The following NUF2 variants were observed in gnomAD, a reference collection of about 807,000 sequenced individuals.
NUF2 encodes kinetochore protein Nuf2.
In NUF2, 34 loss-of-function variants were observed where a neutral mutation model predicts 61.8. That is an observed-to-expected ratio of 0.55 (90% confidence interval 0.42 to 0.73). The LOEUF (loss-of-function observed/expected upper bound fraction) is 0.73. Ranked by LOEUF, NUF2 falls within the 30% of genes least tolerant of loss-of-function variation. NUF2 has a pLI of 0.00. For synonymous variants in NUF2, 172 were observed against 181.6 expected, an observed-to-expected ratio of 0.95 and a Z score of 0.42; for missense variants, 445 against 539.1, an observed-to-expected ratio of 0.83 and a Z score of 1.73.
At chr1:163,342,957 CAT>C in intron 9 of NUF2, among the ~76,000 whole-genome samples, 1 of 152,208 alleles carries the variant, frequency 6.6e-6, no homozygotes, top group East Asian at 1.9e-4. Flanking sequence ...TACATAGAGT[CAT>C]AGAGGGTCCC....
chr1:163,328,862 A>G lies in NUF2; in HGVS notation c.292A>G (p.Ile98Val), dbSNP rs752418231. 2.2e-5 allele frequency: 35 copies of G among 1,607,252 alleles called. No homozygotes were observed. The Middle Eastern group carries it at 4.9e-4, about 23-fold the overall frequency. Residue 98 changes from isoleucine to valine, a missense_variant, in exon 5 of 14, where the codon ATC becomes GTC. Ile to Val is a conservative substitution (Grantham distance 29). Transcript: ENST00000271452. ...ATCTTCAAGGGACTCATTTTTGCCT[A>G]TCTGCCGGGTGAATGACTTTGAGAC... is the stretch of plus-strand genomic sequence containing the variant. ...LVTHLDSFLP[I>V]CRVNDFETAD...
At chr1:163,323,390 T>C (rs570680591) in intron 1 of NUF2, among the ~76,000 whole-genome samples, 1 of 151,842 alleles carries the variant, frequency 6.6e-6, no homozygotes, top group South Asian at 2.1e-4. Flanking sequence ...AGGGAACATC[T>C]AATATGTGAT....
At chr1:163,353,658 G>T (rs1243578527) in intron 13 of NUF2, among the ~76,000 whole-genome samples, 1 of 152,166 alleles carries the variant, frequency 6.6e-6, no homozygotes. Context: ...GTGAATTAGG[G>T]TGGATTAATA....
chr1:163,331,971 T>C lies in NUF2; in HGVS notation c.337+3064T>C, dbSNP rs1473508447. Among the ~76,000 whole-genome samples, 3 of 152,164 alleles carry C rather than the reference T, an allele frequency of 2.0e-5. No individual in the cohort carries two copies. The East Asian group carries it at 5.8e-4, about 29-fold the overall frequency. On this transcript the variant is annotated intron_variant, in intron 5 of 13. Transcript: ENST00000271452. The stretch of plus-strand genomic sequence containing the variant: ...TGTATTTCTGGTTTTTGATTATTAT[T>C]GAATTTTGAGCTTATTGTTATTCTT...
At chr1:163,324,097 G>C (rs1239275713) in intron 1 of NUF2, among the ~76,000 whole-genome samples, 3 of 152,130 alleles carry the variant, frequency 2.0e-5, no homozygotes, top group African/African-American at 7.2e-5. Context: ...GAATAAGATG[G>C]TAGTTTCTAA....
At chr1:163,353,752 A>G (rs1254469675) in intron 13 of NUF2, among the ~76,000 whole-genome samples, 3 of 152,192 alleles carry the variant, frequency 2.0e-5, no homozygotes, top group Non-Finnish European at 4.4e-5. Context: ...TGTCACCATT[A>G]AACATCTTGT....
chr1:163,336,877 A>T, intron 6 of NUF2, 29 bp downstream of exon 6: 1 of 1,311,382 alleles, frequency 7.6e-7, no homozygotes, highest in Non-Finnish European at 1.1e-6. Context: ...TTGGGGTTAC[A>T]TGCCAGATCA....
At chr1:163,336,978 A>G (rs1174814110) in intron 6 of NUF2, 130 bp downstream of exon 6, 4 of 596,018 alleles carry the variant, frequency 6.7e-6, no homozygotes, top group African/African-American at 1.9e-5. Flanking sequence ...ACTCATTTTT[A>G]TATTTATATT....
intron 11 of NUF2, among the ~76,000 whole-genome samples, chr1:163,346,648 G>A (rs1651137237): frequency 6.6e-6 from 1 of 152,160 alleles, no homozygotes; most frequent in South Asian, 2.1e-4. Context: ...GAGACCAAGA[G>A]TTGGAGACCA....
chr1:163,336,566 T>A (rs1283902955), intron 5 of NUF2, among the ~76,000 whole-genome samples, 185 bp from the exon 6 acceptor site: 1 of 152,154 alleles, frequency 6.6e-6, no homozygotes, highest in African/African-American at 2.4e-5. Flanking sequence ...CCTTTTTTTT[T>A]AAAGTTATTA....
intron 9 of NUF2, among the ~76,000 whole-genome samples, chr1:163,343,049 TACAAC>T (rs1193270549): frequency 6.6e-6 from 1 of 152,118 alleles, no homozygotes; most frequent in Admixed American, 6.5e-5. Flanking sequence ...ATTTCAGACT[TACAAC>T]AAACTTTCAA....
At chr1:163,348,124 A>G (rs1479969202) in intron 12 of NUF2, among the ~76,000 whole-genome samples, 186 bp downstream of exon 12, 3 of 152,166 alleles carry the variant, frequency 2.0e-5, no homozygotes, top group Non-Finnish European at 2.9e-5. Context: ...TTCTAGATTT[A>G]GAGATGTCTT....
intron 5 of NUF2, among the ~76,000 whole-genome samples, chr1:163,333,101 T>C (rs1384084714): frequency 6.6e-6 from 1 of 152,194 alleles, no homozygotes; most frequent in Non-Finnish European, 1.5e-5. Flanking sequence ...AGTTTGTCTG[T>C]TTTGTCTGTT....
At chr1:163,340,760 C>T (rs976403901) in intron 9 of NUF2, among the ~76,000 whole-genome samples, 2 of 151,950 alleles carry the variant, frequency 1.3e-5, no homozygotes, top group East Asian at 1.9e-4. Flanking sequence ...CTCCACTTAG[C>T]GATATAATAC....
Position 163,327,492 on chromosome 1 carries a change from A to G in NUF2, c.128A>G (p.Glu43Gly). The change falls in exon 3 of 14, where the codon GAA becomes GGA. Residue 43 changes from glutamate (E) to glycine (G), a missense_variant. By Grantham distance (98) the Glu-to-Gly change is moderately conservative. Transcript: ENST00000271452. ...KNDLYPNPKP[E>G]VLHMIYMRAL... ...CAAAGTTGTTTTTTGCTGTAGCCTG[A>G]AGTCTTGCACATGATCTACATGAGA... 6.2e-7 allele frequency: 1 copy of G among 1,605,088 alleles called. No individual in the cohort carries two copies. Among genetic ancestry groups the G allele is most frequent in the Non-Finnish European group, 8.5e-7 (1 of 1,172,294 alleles).
intron 12 of NUF2, 116 bp from the exon 13 acceptor site, chr1:163,348,829 A>AAG (rs1219079099): frequency 9.3e-7 from 1 of 1,073,574 alleles, no homozygotes; most frequent in East Asian, 2.4e-5. Flanking sequence ...TCTTGAGAAG[A>AAG]GTTTTAGGTT....
intron 5 of NUF2, among the ~76,000 whole-genome samples, chr1:163,331,594 T>C (rs559832068): frequency 6.6e-6 from 1 of 152,168 alleles, no homozygotes; most frequent in African/African-American, 2.4e-5. Context: ...CTTTTTTGAA[T>C]ATTTGGTAGA....
At chr1:163,339,255 T>G in intron 7 of NUF2, 126 bp from the exon 8 acceptor site, 1 of 609,088 alleles carries the variant, frequency 1.6e-6, no homozygotes. Context: ...GATTGCCACA[T>G]GAAAGGGTGT....
intron 9 of NUF2, 86 bp downstream of exon 9, chr1:163,340,512 A>G: frequency 1.2e-6 from 1 of 863,972 alleles, no homozygotes; most frequent in South Asian, 1.7e-5. Flanking sequence ...ATTATGGGCA[A>G]ATGTTTCTCC....
Sources: allele counts gnomAD v4.1 joint callset (sites outside exome capture counted in the v4.1 genomes callset), GRCh38; gene constraint gnomAD v4.1.1; transcripts MANE v1.5; gene names NCBI Gene and HGNC (gene_info 2026-07-23, HGNC 2026-07-21).